Variants in CNTN5 observed in about 807,000 individuals in gnomAD.
The protein encoded by CNTN5 is contactin 5, also known as contactin-5.
Under a neutral mutation model 129.1 loss-of-function variants are expected in CNTN5, and 77 were observed. That is an observed-to-expected ratio of 0.60 (90% CI 0.50 to 0.72). CNTN5 has a LOEUF of 0.72. Among genes scored for constraint, CNTN5 ranks in the 30% least tolerant of loss-of-function variants. The pLI is 0.00. For synonymous variants in CNTN5, 509 were observed against 465.6 expected, an observed-to-expected ratio of 1.09 and a Z score of -1.20; for missense variants, 1,478 against 1,328.8, an observed-to-expected ratio of 1.11 and a Z score of -1.75.
chr11:99,225,881 T>G (rs560973948), intron 1 of CNTN5, among the ~76,000 whole-genome samples: 1 of 152,196 alleles, frequency 6.6e-6, no homozygotes, highest in Non-Finnish European at 1.5e-5. Context: ...GGATGCAAAG[T>G]CTTTGTTCTA....
At chr11:99,656,082 GT>G (rs1952352993) in intron 3 of CNTN5, among the ~76,000 whole-genome samples, 1 of 152,016 alleles carries the variant, frequency 6.6e-6, no homozygotes, top group Non-Finnish European at 1.5e-5. Context: ...GTAAGTGTGT[GT>G]GTTATTGTGG....
chr11:99,338,850 C>T (rs1388934743), intron 2 of CNTN5, among the ~76,000 whole-genome samples: 3 of 146,238 alleles, frequency 2.1e-5, no homozygotes, highest in Non-Finnish European at 4.5e-5. Flanking sequence ...ATCATTATAA[C>T]ATCTTTTTTC....
Position 99,671,093 on chromosome 11 carries a change from TCTCG to T in CNTN5, c.55+114840_55+114843del, listed in dbSNP as rs150383524. ...CTCTCTCTCGCTTTCTTGTGAGTTC[TCTCG>T]CTCGCTCGCTCGCTCTTGCTCTCTC... On this transcript the variant is annotated intron_variant, in intron 3 of 24. Coordinates refer to ENST00000524871, the MANE Select transcript of CNTN5 (RefSeq NM_014361.4). Among the ~76,000 whole-genome samples the T allele has an allele frequency of 7.6e-4, 116 of 152,018 alleles. 1 individual carries two copies. Among genetic ancestry groups the T allele is most frequent in the South Asian group, 3.7e-3 (18 of 4,808 alleles).
chr11:99,631,866 GAATAC>G (rs1951366816), intron 3 of CNTN5, among the ~76,000 whole-genome samples: 1 of 152,118 alleles, frequency 6.6e-6, no homozygotes, highest in Non-Finnish European at 1.5e-5. Flanking sequence ...GAAAATAGGT[GAATAC>G]AATACAAGTA....
At chr11:99,965,423 T>C (rs111305434) in intron 8 of CNTN5, among the ~76,000 whole-genome samples, 5 of 152,144 alleles carry the variant, frequency 3.3e-5, no homozygotes, top group African/African-American at 1.2e-4. Flanking sequence ...ATGTACCCAG[T>C]AGTCATTCAG....
intron 8 of CNTN5, among the ~76,000 whole-genome samples, chr11:99,965,146 G>T (rs150718918): frequency 6.6e-6 from 1 of 152,094 alleles, no homozygotes; most frequent in Admixed American, 6.5e-5. Context: ...ACGGTTTTTT[G>T]TGTCTTTATT....
At chr11:99,113,988 C>G (rs999717712) in intron 1 of CNTN5, among the ~76,000 whole-genome samples, 3 of 152,086 alleles carry the variant, frequency 2.0e-5, no homozygotes, top group Non-Finnish European at 4.4e-5. Context: ...TCATAAGTTA[C>G]GCTTATCTAT....
chr11:99,423,958 A>C (rs1441963834), intron 2 of CNTN5, among the ~76,000 whole-genome samples: 1 of 152,142 alleles, frequency 6.6e-6, no homozygotes, highest in Non-Finnish European at 1.5e-5. Context: ...TTAGAGTATA[A>C]CAGTTCCCTT....
At chr11:100,051,915 CATAT>C (rs1007560739) in intron 9 of CNTN5, among the ~76,000 whole-genome samples, 18 of 151,236 alleles carry the variant, frequency 1.2e-4, no homozygotes, top group African/African-American at 4.2e-4. Flanking sequence ...TGAATTTTTC[CATAT>C]CTATCAGTGA....
chr11:99,057,402 G>A (rs956192402), intron 1 of CNTN5, among the ~76,000 whole-genome samples: 1 of 151,896 alleles, frequency 6.6e-6, no homozygotes, highest in Non-Finnish European at 1.5e-5. Context: ...AGGATGGGAA[G>A]CGTCTGATTC....
At chr11:99,356,019 G>A (rs1290066988) in intron 2 of CNTN5, among the ~76,000 whole-genome samples, 1 of 151,722 alleles carries the variant, frequency 6.6e-6, no homozygotes, top group Non-Finnish European at 1.5e-5. Flanking sequence ...GTAGAGACGG[G>A]GTTTCACCAT....
intron 6 of CNTN5, among the ~76,000 whole-genome samples, chr11:99,893,274 C>A (rs1436779934): frequency 2.6e-5 from 4 of 152,082 alleles, no homozygotes; most frequent in Non-Finnish European, 5.9e-5. Context: ...ACTCTTATAA[C>A]ACCCTAAAAA....
intron 8 of CNTN5, among the ~76,000 whole-genome samples, chr11:99,964,518 G>T (rs865914309): frequency 3.3e-5 from 5 of 152,140 alleles, no homozygotes; most frequent in African/African-American, 1.2e-4. Context: ...CCACTTGATA[G>T]TGGTGGATAA....
intron 9 of CNTN5, among the ~76,000 whole-genome samples, chr11:100,057,435 T>A (rs552351965): frequency 1.5e-4 from 23 of 151,780 alleles, no homozygotes; most frequent in African/African-American, 5.3e-4. Context: ...GCTTACAATA[T>A]GCCATGTATT....
rs1052737143 is a variant in CNTN5 at position 99,382,429 on chromosome 11, T to C, written c.-71+56945T>C. On this transcript the variant is annotated intron_variant, in intron 2 of 24. Transcript: ENST00000524871. ...AAAATATCATTAAAGAGGCCTTTGT[T>C]GTTAAATAAAGATTAAGAACTGCCA... 4.6e-5 allele frequency among the ~76,000 whole-genome samples: 7 copies of C among 152,136 alleles called. No homozygotes were observed. The East Asian group carries it at 9.6e-4, about 21-fold the overall frequency.
intron 3 of CNTN5, among the ~76,000 whole-genome samples, chr11:99,628,934 C>T (rs1159671511): frequency 6.6e-6 from 1 of 152,032 alleles, no homozygotes; most frequent in African/African-American, 2.4e-5. Context: ...GATAGTGGCA[C>T]TTGCTTGTGA....
At chr11:99,339,623 T>A (rs10750259) in intron 2 of CNTN5, among the ~76,000 whole-genome samples, 1 of 151,528 alleles carries the variant, frequency 6.6e-6, no homozygotes, top group Non-Finnish European at 1.5e-5. Flanking sequence ...ACTAAAAAAA[T>A]ACAAAAAAAT....
At chr11:99,359,802 T>C (rs1938974955) in intron 2 of CNTN5, among the ~76,000 whole-genome samples, 1 of 151,732 alleles carries the variant, frequency 6.6e-6, no homozygotes, top group African/African-American at 2.4e-5. Flanking sequence ...TGAAATGCAG[T>C]AGTACGACAA....
chr11:99,743,348 A>T (rs1025535379), intron 3 of CNTN5, among the ~76,000 whole-genome samples: 1 of 152,128 alleles, frequency 6.6e-6, no homozygotes, highest in African/African-American at 2.4e-5. Flanking sequence ...ATGTTCAGAT[A>T]TTAGGAAGCA....
Sources: gnomAD v4.1 joint callset for allele counts (sites outside exome capture counted in the v4.1 genomes callset) on GRCh38, gnomAD v4.1.1 for gene constraint, MANE v1.5 for transcripts, NCBI Gene and HGNC (gene_info 2026-07-23, HGNC 2026-07-21) for gene names.